Variants in MYZAP observed in about 807,000 individuals in gnomAD.
The protein encoded by MYZAP is myocardial zonula adherens protein.
A neutral mutation model predicts 69.4 loss-of-function variants in MYZAP; 66 were observed. The ratio of observed to expected loss-of-function variants is 0.95; its 90% CI spans 0.78 to 1.17. The LOEUF is 1.17. Ranked by LOEUF, MYZAP falls within the 50% of genes most tolerant of loss-of-function variation. The pLI is 0.00. For synonymous variants in MYZAP, 256 were observed against 205.9 expected (o/e 1.24, Z -2.09); for missense variants, 611 against 556.2 (o/e 1.10, Z -0.99).
intron 12 of MYZAP, among the ~76,000 whole-genome samples, chr15:57,675,457 G>A (rs1316982561): frequency 1.3e-5 from 2 of 152,202 alleles, no homozygotes; most frequent in East Asian, 3.9e-4. Context: ...AGACAGGTAT[G>A]TAGGTAGACA....
chr15:57,637,583 A>T lies in MYZAP; in HGVS notation c.934-112A>T. On this transcript the variant is annotated intron_variant, in intron 8 of 12. Coordinates refer to ENST00000267853, the MANE Select transcript of MYZAP (RefSeq NM_001018100.5). ...GGGCTTTGCTGAGCAGGTGTGTAAA[A>T]CCCAGGGGGTGTCATATAGACTTGG... 5 of 1,193,194 alleles carry T rather than the reference A, an allele frequency of 4.2e-6. 1 individual carries two copies. In the South Asian group the frequency reaches 7.5e-5, roughly 18 times the overall value. The allele number at this position is 1,193,194 out of a possible 1,614,324, so 73.9% of individuals were successfully genotyped here.
chr15:57,596,881 G>C (rs182523995), intron 1 of MYZAP, among the ~76,000 whole-genome samples: 16 of 152,082 alleles, frequency 1.1e-4, no homozygotes, highest in Admixed American at 8.5e-4. Context: ...CCTCCTTCTC[G>C]TGTTCCCCTA....
At chr15:57,677,097 C>G (rs2039177082) in intron 12 of MYZAP, among the ~76,000 whole-genome samples, 1 of 152,170 alleles carries the variant, frequency 6.6e-6, no homozygotes, top group African/African-American at 2.4e-5. Context: ...AGCCCAGAAT[C>G]TTTCGGTAAC....
intron 11 of MYZAP, 21 bp downstream of exon 11, chr15:57,661,554 A>C (rs1220567098): frequency 6.3e-7 from 1 of 1,588,898 alleles, no homozygotes; most frequent in Non-Finnish European, 8.6e-7. Context: ...CTGTTTCTTT[A>C]AGTTGGTGTC....
At position 57,685,197 on chromosome 15, in the gene MYZAP, TAACTTA is replaced by T. The variant is rs1215276884; in HGVS notation, c.*702_*707del. On this transcript the variant is annotated 3_prime_UTR_variant, in exon 13 of 13. Coordinates refer to ENST00000267853, the MANE Select transcript of MYZAP (RefSeq NM_001018100.5). ...AGTGATTTTTTTTTCTTTCTCACTTTAACTTAAAGAGAATTTTATATGTCTTGGAAA... is the reference window on the plus strand; with the variant it reads ...AGTGATTTTTTTTTCTTTCTCACTTTAAGAGAATTTTATATGTCTTGGAAA... 1 of 146,246 alleles carries T rather than the reference TAACTTA, an allele frequency of 6.8e-6. No individual in the cohort carries two copies. The highest frequency in any genetic ancestry group is 2.8e-5 in the African/African-American group (1 of 35,782). The allele number at this position is 146,246 out of a possible 1,614,324, so 9.1% of individuals were successfully genotyped here. A position where few individuals can be genotyped will look rare whatever the true frequency, so the allele number is the denominator to read the frequency against.
intron 1 of MYZAP, among the ~76,000 whole-genome samples, chr15:57,593,188 G>GCATGCGCGCGCGCGCGCACA: frequency 8.8e-5 from 10 of 114,202 alleles, no homozygotes; most frequent in African/African-American, 1.7e-4. Context: ...GTACACAGGC[G>GCATGCGCGCGCGCGCGCACA]CACACACACA....
chr15:57,632,030 T>C (rs1421483368), intron 6 of MYZAP, among the ~76,000 whole-genome samples: 1 of 152,172 alleles, frequency 6.6e-6, no homozygotes, highest in Non-Finnish European at 1.5e-5. Flanking sequence ...GGTTGGAATG[T>C]TTCCAAAAGC....
chr15:57,636,660 T>G (rs2036835595), intron 8 of MYZAP, among the ~76,000 whole-genome samples: 1 of 152,250 alleles, frequency 6.6e-6, no homozygotes, highest in Non-Finnish European at 1.5e-5. Flanking sequence ...ACATCTGTAA[T>G]GTATTTTTAG....
At chr15:57,684,323 A>G (rs1332470002) in intron 12 of MYZAP, 79 bp from the exon 13 acceptor site, 6 of 863,950 alleles carry the variant, frequency 6.9e-6, no homozygotes, top group African/African-American at 1.7e-5. Context: ...ACCATTTTCT[A>G]GAGTTGTCTT....
chr15:57,620,319 C>A (rs1206194694), intron 3 of MYZAP, among the ~76,000 whole-genome samples: 17 of 152,160 alleles, frequency 1.1e-4, no homozygotes, highest in Admixed American at 3.3e-4. Flanking sequence ...CAAAATTAAG[C>A]CTTCCAATAC....
chr15:57,658,220 TCCTCTTTTTTCC>T (rs1287602582), intron 10 of MYZAP, among the ~76,000 whole-genome samples: 5 of 152,120 alleles, frequency 3.3e-5, no homozygotes, highest in African/African-American at 1.2e-4. Flanking sequence ...ATCTACTCCT[TCCTCTTTTTTCC>T]CCTCTTGTGC....
intron 2 of MYZAP, among the ~76,000 whole-genome samples, chr15:57,615,771 A>C (rs2035397288): frequency 6.6e-6 from 1 of 152,164 alleles, no homozygotes; most frequent in African/African-American, 2.4e-5. Flanking sequence ...TTAAGCACAA[A>C]TGTAAGGATA....
chr15:57,677,080 G>T (rs1368770898), intron 12 of MYZAP, among the ~76,000 whole-genome samples: 1 of 152,182 alleles, frequency 6.6e-6, no homozygotes, highest in Non-Finnish European at 1.5e-5. Context: ...AAGTCTGGGT[G>T]GGGAGGAGCC....
intron 10 of MYZAP, among the ~76,000 whole-genome samples, chr15:57,661,125 G>A (rs1031616392): frequency 1.3e-5 from 2 of 152,112 alleles, no homozygotes; most frequent in Non-Finnish European, 2.9e-5. Context: ...TGTTTTAAAG[G>A]GTTACACAGC....
intron 2 of MYZAP, among the ~76,000 whole-genome samples, chr15:57,615,196 A>G (rs1429118226): frequency 5.3e-5 from 8 of 152,268 alleles, no homozygotes; most frequent in Non-Finnish European, 1.0e-4. Context: ...ACAAAAGAAC[A>G]TAAAGGAAAA....
intron 12 of MYZAP, among the ~76,000 whole-genome samples, chr15:57,679,144 C>G (rs1414963187): frequency 1.3e-5 from 2 of 152,062 alleles, no homozygotes; most frequent in Non-Finnish European, 2.9e-5. Flanking sequence ...CCATTGTACT[C>G]CATCCTGGGC....
intron 10 of MYZAP, 106 bp downstream of exon 10, chr15:57,639,651 G>A (rs1324231592): frequency 1.8e-5 from 23 of 1,308,020 alleles, no homozygotes; most frequent in South Asian, 4.1e-5. Flanking sequence ...CTCACAAGCC[G>A]AGGTGCTCAG....
Position 57,637,770 on chromosome 15 carries a change from G to A in MYZAP, c.1009G>A (p.Glu337Lys), listed in dbSNP as rs865864742. The change falls in exon 9 of 13, where the codon GAA becomes AAA. Residue 337 changes from glutamate (E) to lysine (K), a missense_variant. By Grantham distance (56) the Glu-to-Lys change is moderately conservative. Coordinates refer to ENST00000267853, the MANE Select transcript of MYZAP (RefSeq NM_001018100.5). ...MSGELTDSDK[E>K]RYQQLEEASA... The stretch of plus-strand genomic sequence containing the variant: ...TGGGGAGTTAACTGATTCTGACAAG[G>A]AAAGGTAAGACGTAATGCCTTTCGT... The A allele has an allele frequency of 6.2e-7, 1 of 1,609,094 alleles. No homozygotes were observed. The highest frequency in any genetic ancestry group is 1.7e-5 in the Admixed American group (1 of 59,702).
chr15:57,636,643 T>A (rs2036834318), intron 8 of MYZAP, among the ~76,000 whole-genome samples: 1 of 152,244 alleles, frequency 6.6e-6, no homozygotes, highest in African/African-American at 2.4e-5. Flanking sequence ...GGAAATTTGT[T>A]ACACTAACAT....
Sources: gnomAD v4.1 joint callset for allele counts (sites outside exome capture counted in the v4.1 genomes callset) on GRCh38, gnomAD v4.1.1 for gene constraint, MANE v1.5 for transcripts, NCBI Gene and HGNC (gene_info 2026-07-23, HGNC 2026-07-21) for gene names.